ACAD11: variants seen among roughly 807,000 people sequenced by gnomAD.
ACAD11 encodes the protein acyl-CoA dehydrogenase family member 11.
A neutral mutation model predicts 102.2 loss-of-function variants in ACAD11; 83 were observed. The observed-to-expected ratio is 0.81, with a 90% CI of 0.68 to 0.97. The LOEUF (loss-of-function observed/expected upper bound fraction) is 0.97. Among genes scored for constraint, ACAD11 ranks in the 50% least tolerant of loss-of-function variants. ACAD11 has a pLI of 0.00. For synonymous variants in ACAD11, 324 were observed against 319.8 expected, an observed-to-expected ratio of 1.01 and a Z score of -0.14; for missense variants, 901 against 951.7, an observed-to-expected ratio of 0.95 and a Z score of 0.70.
chr3:132,656,446 C>T (rs1241765063), intron 1 of ACAD11, among the ~76,000 whole-genome samples: 2 of 151,968 alleles, frequency 1.3e-5, no homozygotes, highest in Admixed American at 1.3e-4. Context: ...TAATTCACAC[C>T]CCTATATGAG....
Position 132,659,662 on chromosome 3 carries a change from G to T in ACAD11, c.90C>A (p.Asn30Lys). 3 of 1,611,690 alleles carry T rather than the reference G, an allele frequency of 1.9e-6. No homozygotes were observed. Among genetic ancestry groups the T allele is most frequent in the South Asian group, 2.2e-5 (2 of 90,640 alleles). ...FDSKSLEAYL[N>K]QHLSGFGAER... ...CGGCCCCAAAGCCAGACAAGTGCTG[G>T]TTTAGGTAGGCCTCCAGGGACTTGC... The change falls in exon 1 of 20, where the codon AAC becomes AAA. Residue 30 changes from asparagine (N) to lysine (K), a missense_variant. Transcript: ENST00000264990.
At chr3:132,633,142 A>G (rs975969155) in intron 5 of ACAD11, among the ~76,000 whole-genome samples, 20 of 152,192 alleles carry the variant, frequency 1.3e-4, no homozygotes, top group Non-Finnish European at 1.8e-4. Context: ...GGGCATCCCT[A>G]TCTTGTGCCA....
chr3:132,563,505 G>A (rs1021179653), intron 17 of ACAD11, among the ~76,000 whole-genome samples: 3 of 151,904 alleles, frequency 2.0e-5, no homozygotes, highest in Admixed American at 1.3e-4. Flanking sequence ...GATATTGTAC[G>A]TGTTTTGGTA....
At chr3:132,654,616 C>T (rs758834494) in intron 1 of ACAD11, 1 of 152,226 alleles carries the variant, frequency 6.6e-6, no homozygotes, top group African/African-American at 2.4e-5. Flanking sequence ...TCTGAGGCCT[C>T]CTTTCCTTTG....
intron 13 of ACAD11, among the ~76,000 whole-genome samples, chr3:132,581,475 A>C (rs528503614): frequency 6.6e-6 from 1 of 151,936 alleles, no homozygotes; most frequent in Non-Finnish European, 1.5e-5. Context: ...AAGTATGCCT[A>C]AAGGGTAATC....
intron 5 of ACAD11, among the ~76,000 whole-genome samples, chr3:132,634,686 GA>G (rs35623278): frequency 2.0e-5 from 3 of 152,112 alleles, no homozygotes; most frequent in African/African-American, 7.2e-5. Flanking sequence ...ACTGGATTAA[GA>G]AAATGTGGCA....
At chr3:132,631,186 CA>C (rs1559967845) in intron 6 of ACAD11, among the ~76,000 whole-genome samples, 154 bp downstream of exon 6, 2 of 150,846 alleles carry the variant, frequency 1.3e-5, no homozygotes, top group South Asian at 2.1e-4. Context: ...TTATCTTCAA[CA>C]AAAAAATAAA....
chr3:132,628,946 C>T (rs1408792832), intron 7 of ACAD11, among the ~76,000 whole-genome samples: 1 of 152,150 alleles, frequency 6.6e-6, no homozygotes, highest in Non-Finnish European at 1.5e-5. Context: ...GATAATTCTC[C>T]ATTTCTGTAC....
intron 13 of ACAD11, chr3:132,600,928 A>G (rs1244876875): frequency 5.6e-6 from 9 of 1,611,808 alleles, no homozygotes; most frequent in East Asian, 2.2e-5. Flanking sequence ...TTTTTTATAC[A>G]GTAAATGACA....
At chr3:132,620,810 A>G (rs1939578520) in intron 9 of ACAD11, among the ~76,000 whole-genome samples, 2 of 152,236 alleles carry the variant, frequency 1.3e-5, no homozygotes, top group African/African-American at 2.4e-5. Flanking sequence ...TGATAAAAAT[A>G]TGGGGGCCTA....
In ACAD11 at chr3:132,631,380, CT is replaced by C. The variant is rs758813715; in HGVS notation, c.801del (p.Val268PhefsTer3). On this transcript the variant is annotated frameshift_variant, in exon 6 of 20. Coordinates refer to ENST00000264990, the MANE Select transcript of ACAD11 (RefSeq NM_032169.5). LOFTEE classifies it high-confidence loss of function. ...HFSLFYFWPRTVPMINQGSYS... is the reference protein window; with the variant it reads ...HFSLFYFWPRXVPMINQGSYS... ...TAAGAACCTTGATTTATCATTGGAA[CT>C]GTCCTTGGCCAAAAGTAGAACAGGG... The C allele has an allele frequency of 6.5e-7, 1 of 1,540,882 alleles. No homozygotes were observed. Among genetic ancestry groups the C allele is most frequent in the East Asian group, 2.4e-5 (1 of 41,804 alleles).
At chr3:132,615,958 T>C (rs1939391018) in intron 11 of ACAD11, among the ~76,000 whole-genome samples, 1 of 152,192 alleles carries the variant, frequency 6.6e-6, no homozygotes, top group Non-Finnish European at 1.5e-5. Flanking sequence ...ATGTTTCCCA[T>C]ATGTTTTATA....
intron 13 of ACAD11, among the ~76,000 whole-genome samples, chr3:132,591,264 C>T (rs1231305743): frequency 6.6e-6 from 1 of 152,208 alleles, no homozygotes; most frequent in African/African-American, 2.4e-5. Context: ...AATAGGGAGT[C>T]TTTTCCCCAC....
intron 17 of ACAD11, among the ~76,000 whole-genome samples, chr3:132,570,569 G>C (rs1053988393): frequency 1.3e-5 from 2 of 151,714 alleles, no homozygotes; most frequent in African/African-American, 4.8e-5. Context: ...AGATAAACTC[G>C]TGCCATGGGG....
chr3:132,621,833 G>A (rs1251686096), intron 9 of ACAD11, among the ~76,000 whole-genome samples: 2 of 151,986 alleles, frequency 1.3e-5, no homozygotes, highest in Non-Finnish European at 2.9e-5. Context: ...ACAAAAATTA[G>A]CTGAGTGTGG....
chr3:132,591,410 A>G (rs1244300631), intron 13 of ACAD11, among the ~76,000 whole-genome samples: 3 of 152,150 alleles, frequency 2.0e-5, no homozygotes, highest in Non-Finnish European at 4.4e-5. Context: ...CATTCTGGCA[A>G]TCAAGAACAT....
At chr3:132,617,647 T>C (rs1939459053) in intron 11 of ACAD11, among the ~76,000 whole-genome samples, 1 of 152,202 alleles carries the variant, frequency 6.6e-6, no homozygotes. Context: ...ATTCTCAACA[T>C]AGCAGTCAAG....
At chr3:132,657,425 C>T (rs1368074789) in intron 1 of ACAD11, among the ~76,000 whole-genome samples, 1 of 152,122 alleles carries the variant, frequency 6.6e-6, no homozygotes, top group Non-Finnish European at 1.5e-5. Context: ...TAGCCCTTCG[C>T]TCTTACACAT....
At chr3:132,579,095 T>C in intron 14 of ACAD11, 1 of 1,465,942 alleles carries the variant, frequency 6.8e-7, no homozygotes, top group South Asian at 1.2e-5. Context: ...AATGAGTTGT[T>C]TGATTGAAGC....
Sources: gnomAD v4.1 joint callset for allele counts (sites outside exome capture counted in the v4.1 genomes callset) on GRCh38, gnomAD v4.1.1 for gene constraint, MANE v1.5 for transcripts, NCBI Gene and HGNC (gene_info 2026-07-23, HGNC 2026-07-21) for gene names.